MAP7: variants seen among roughly 807,000 people sequenced by gnomAD.
The protein encoded by MAP7 is ensconsin.
In MAP7, 52 loss-of-function variants were observed where a neutral mutation model predicts 94.8. The ratio of observed to expected loss-of-function variants is 0.55; its 90% CI spans 0.44 to 0.69. The LOEUF (loss-of-function observed/expected upper bound fraction) is 0.69, where lower values mean the gene tolerates loss of function less well. MAP7 is among the 30% of genes least tolerant of loss of function. The pLI is 0.00. For synonymous variants in MAP7, 350 were observed against 357.0 expected (o/e 0.98, Z 0.22); for missense variants, 940 against 964.6 (o/e 0.97, Z 0.34).
At chr6:136,364,669 T>C (rs1301408398) in intron 10 of MAP7, 2 of 169,500 alleles carry the variant, frequency 1.2e-5, no homozygotes, top group African/African-American at 2.4e-5. Flanking sequence ...CTCCTCATTC[T>C]CTCTTCCAGG....
intron 3 of MAP7, among the ~76,000 whole-genome samples, chr6:136,408,628 T>C (rs1432990204): frequency 6.6e-6 from 1 of 152,210 alleles, no homozygotes; most frequent in Non-Finnish European, 1.5e-5. Flanking sequence ...CCAGCATTTG[T>C]GGAATGGTGT....
intron 5 of MAP7, among the ~76,000 whole-genome samples, chr6:136,385,561 G>T (rs72977511): frequency 6.6e-6 from 1 of 152,178 alleles, no homozygotes. Flanking sequence ...ATTTAATTCT[G>T]CTTCAGAGTA....
chr6:136,470,333 G>T (rs1308696337), intron 1 of MAP7, among the ~76,000 whole-genome samples: 1 of 151,846 alleles, frequency 6.6e-6, no homozygotes, highest in Non-Finnish European at 1.5e-5. Flanking sequence ...CCAGCTTTCT[G>T]AAGTATAATT....
intron 15 of MAP7, 131 bp downstream of exon 15, chr6:136,359,689 C>A (rs1791973725): frequency 1.2e-6 from 1 of 810,282 alleles, no homozygotes; most frequent in Non-Finnish European, 2.0e-6. Flanking sequence ...CGATGACAGA[C>A]CCCTAAGCTT....
intron 1 of MAP7, among the ~76,000 whole-genome samples, chr6:136,513,154 T>C (rs1157454197): frequency 6.6e-6 from 1 of 152,184 alleles, no homozygotes; most frequent in Non-Finnish European, 1.5e-5. Context: ...TACAATTTCT[T>C]AAAGTAAGAT....
chr6:136,389,237 GA>G, intron 4 of MAP7, 116 bp downstream of exon 4: 1 of 1,432,996 alleles, frequency 7.0e-7, no homozygotes, highest in Non-Finnish European at 9.1e-7. Flanking sequence ...CTGTAAAGCT[GA>G]TCACTCTGAA....
At chr6:136,494,333 T>A (rs1254445875) in intron 1 of MAP7, among the ~76,000 whole-genome samples, 2 of 152,176 alleles carry the variant, frequency 1.3e-5, no homozygotes, top group Non-Finnish European at 2.9e-5. Context: ...TAACATTGAG[T>A]CTTTTATTTA....
intron 1 of MAP7, among the ~76,000 whole-genome samples, chr6:136,533,028 T>A (rs1221275937): frequency 6.6e-6 from 1 of 152,218 alleles, no homozygotes; most frequent in East Asian, 1.9e-4. Flanking sequence ...ATCCCAGCAC[T>A]TTGGGAGGCC....
chr6:136,358,030 G>A (rs1220330431), intron 15 of MAP7, among the ~76,000 whole-genome samples: 3 of 152,132 alleles, frequency 2.0e-5, no homozygotes. Flanking sequence ...CAGTCAGCCC[G>A]CAATCAGATG....
chr6:136,550,366 C>A lies in MAP7; in HGVS notation c.43G>T (p.Asp15Tyr). 1 of 1,530,016 alleles carries A rather than the reference C, an allele frequency of 6.5e-7. No individual in the cohort carries two copies. Among genetic ancestry groups the A allele is most frequent in the East Asian group, 2.7e-5 (1 of 36,812 alleles). The allele number at this position is 1,530,016 out of a possible 1,614,324, so 94.8% of individuals were successfully genotyped here. ...GAGGDGHRGGDGAVRSETAPD... is the reference protein window; with the variant it reads ...GAGGDGHRGGYGAVRSETAPD... ...CCTGTTTCGCTTCGCACTGCGCCGT[C>A]GCCGCCCCTGTGGCCGTCGCCGCCA... is the stretch of plus-strand genomic sequence containing the variant. Residue 15 changes from aspartate (D) to tyrosine (Y), a missense_variant, in exon 1 of 18, where the codon GAC becomes TAC. Transcript: ENST00000354570. This position sits in a 1 kb window ranked among gnomAD's most constrained non-coding sequence, Gnocchi z 5.1.
At chr6:136,358,894 G>A (rs1174210890) in intron 15 of MAP7, among the ~76,000 whole-genome samples, 1 of 152,152 alleles carries the variant, frequency 6.6e-6, no homozygotes, top group Non-Finnish European at 1.5e-5. Flanking sequence ...AGCCTGGCCT[G>A]TCATTGGACC....
intron 6 of MAP7, among the ~76,000 whole-genome samples, chr6:136,380,462 C>T (rs1056566296): frequency 1.3e-5 from 2 of 152,166 alleles, no homozygotes; most frequent in Admixed American, 6.5e-5. Context: ...TCAGGTAAAA[C>T]AGAACAAGCC....
intron 1 of MAP7, among the ~76,000 whole-genome samples, chr6:136,518,623 G>T (rs1369189353): frequency 6.6e-6 from 1 of 152,182 alleles, no homozygotes; most frequent in Non-Finnish European, 1.5e-5. Flanking sequence ...TGAGAATTAA[G>T]ATGGAGTCTC....
At chr6:136,459,089 G>A (rs909023033) in intron 1 of MAP7, among the ~76,000 whole-genome samples, 1 of 152,056 alleles carries the variant, frequency 6.6e-6, no homozygotes, top group African/African-American at 2.4e-5. Flanking sequence ...ATGGGCAAAG[G>A]AACTGAATAG....
chr6:136,493,226 G>A lies in MAP7; in HGVS notation c.67+57116C>T, dbSNP rs557593412. On this transcript the variant is annotated intron_variant, in intron 1 of 17. Transcript: ENST00000354570. ...CAACCTCTGCCTCCTGGGTTCAAGCGATTCTCCTGCCTCAGCCTCCCGAGT... is the reference window on the plus strand; with the variant it reads ...CAACCTCTGCCTCCTGGGTTCAAGCAATTCTCCTGCCTCAGCCTCCCGAGT... Among the ~76,000 whole-genome samples the A allele has an allele frequency of 4.0e-5, 6 of 150,196 alleles. No homozygotes were observed. The South Asian group carries it at 6.3e-4, about 16-fold the overall frequency.
intron 1 of MAP7, among the ~76,000 whole-genome samples, chr6:136,431,566 G>A (rs1387904692): frequency 6.6e-6 from 1 of 151,816 alleles, no homozygotes; most frequent in Non-Finnish European, 1.5e-5. Flanking sequence ...CACCCAGGCT[G>A]GAGTGCAGTG....
chr6:136,543,898 A>G (rs1049834779), intron 1 of MAP7, among the ~76,000 whole-genome samples: 6 of 152,112 alleles, frequency 3.9e-5, no homozygotes, highest in Non-Finnish European at 8.8e-5. Flanking sequence ...AAGAAAATAA[A>G]AGAAAATCCG....
chr6:136,434,166 G>A (rs1017312166), intron 1 of MAP7, among the ~76,000 whole-genome samples: 2 of 152,044 alleles, frequency 1.3e-5, no homozygotes, highest in African/African-American at 2.4e-5. Context: ...GATTAGCCGG[G>A]CGTGGTGGTG....
chr6:136,460,196 G>C (rs993995270), intron 1 of MAP7, among the ~76,000 whole-genome samples: 1 of 152,112 alleles, frequency 6.6e-6, no homozygotes, highest in Admixed American at 6.6e-5. Context: ...CCATGGATTT[G>C]TATCTAACCA....
Sources: gnomAD v4.1 joint callset for allele counts (sites outside exome capture counted in the v4.1 genomes callset) on GRCh38, gnomAD v4.1.1 for gene constraint, Gnocchi (gnomAD v3.1) non-coding constraint, MANE v1.5 for transcripts, NCBI Gene and HGNC (gene_info 2026-07-23, HGNC 2026-07-21) for gene names.